EXOC6B: variants seen among roughly 807,000 people sequenced by gnomAD.
The protein encoded by EXOC6B is SEC15 homolog B.
In EXOC6B, 54 loss-of-function variants were observed where a neutral mutation model predicts 113.5. The ratio of observed to expected loss-of-function variants is 0.48; its 90% CI spans 0.38 to 0.60. EXOC6B has a LOEUF of 0.60. EXOC6B is among the 20% of genes least tolerant of loss of function. The probability of loss-of-function intolerance (pLI) is 0.00; values close to 1 mark genes in which losing one functional copy is unlikely to be tolerated. For missense variants in EXOC6B, 797 were observed against 977.5 expected, an observed-to-expected ratio of 0.82 and a Z score of 2.46; for synonymous variants, 357 against 339.0, an observed-to-expected ratio of 1.05 and a Z score of -0.58.
chr2:72,699,576 A>C (rs1197703264), intron 6 of EXOC6B, among the ~76,000 whole-genome samples: 1 of 152,094 alleles, frequency 6.6e-6, no homozygotes, highest in Non-Finnish European at 1.5e-5. Flanking sequence ...TGTTTAGTAG[A>C]CTAAGAAAAG....
At chr2:72,663,413 G>A (rs145122896) in intron 6 of EXOC6B, among the ~76,000 whole-genome samples, 3 of 152,240 alleles carry the variant, frequency 2.0e-5, no homozygotes, top group African/African-American at 7.2e-5. Flanking sequence ...TTTAGAAATC[G>A]ATAAAAAATA....
At chr2:72,183,017 G>T in intron 21 of EXOC6B, 1 of 594,038 alleles carries the variant, frequency 1.7e-6, no homozygotes, top group Non-Finnish European at 2.5e-6. Flanking sequence ...TAGTCTCTTG[G>T]CTCCAAATAC....
intron 18 of EXOC6B, among the ~76,000 whole-genome samples, chr2:72,449,790 C>T (rs959970214): frequency 7.2e-5 from 11 of 152,142 alleles, no homozygotes; most frequent in African/African-American, 1.9e-4. Flanking sequence ...GGTTCCAGCA[C>T]ATACAGGCAG....
intron 19 of EXOC6B, among the ~76,000 whole-genome samples, chr2:72,362,871 C>T (rs1690406136): frequency 6.6e-6 from 1 of 152,112 alleles, no homozygotes; most frequent in African/African-American, 2.4e-5. Flanking sequence ...ACTGAATGAG[C>T]AGATTACTGA....
intron 20 of EXOC6B, among the ~76,000 whole-genome samples, chr2:72,309,455 T>TA (rs1687071003): frequency 6.6e-6 from 1 of 152,134 alleles, no homozygotes; most frequent in Non-Finnish European, 1.5e-5. Context: ...AAGAAGACAC[T>TA]AAATCATAAT....
chr2:72,386,566 T>C (rs1692042557), intron 18 of EXOC6B, among the ~76,000 whole-genome samples: 1 of 152,220 alleles, frequency 6.6e-6, no homozygotes. Context: ...GCATCCTAGC[T>C]GCTCCAACTC....
At chr2:72,252,647 CT>C (rs1362175182) in intron 20 of EXOC6B, among the ~76,000 whole-genome samples, 5 of 152,166 alleles carry the variant, frequency 3.3e-5, no homozygotes, top group African/African-American at 1.2e-4. Context: ...ATAATACCTG[CT>C]TTACAAGTTG....
intron 1 of EXOC6B, among the ~76,000 whole-genome samples, chr2:72,807,844 C>CAA (rs35368851): frequency 1.5e-5 from 2 of 135,896 alleles, no homozygotes; most frequent in Admixed American, 1.4e-4. Context: ...TTAATGAGTA[C>CAA]AAAAAAAAAA....
At chr2:72,390,547 G>A (rs932529754) in intron 18 of EXOC6B, among the ~76,000 whole-genome samples, 1 of 152,128 alleles carries the variant, frequency 6.6e-6, no homozygotes, top group Non-Finnish European at 1.5e-5. Context: ...GGAGGGTTGG[G>A]CTTTGTTATT....
chr2:72,625,818 A>T (rs1297191810), intron 6 of EXOC6B, among the ~76,000 whole-genome samples: 1 of 152,192 alleles, frequency 6.6e-6, no homozygotes, highest in Admixed American at 6.5e-5. Context: ...TATGTTCAGG[A>T]ATATCCTCAC....
intron 21 of EXOC6B, chr2:72,182,873 C>A: frequency 8.1e-7 from 1 of 1,229,640 alleles, no homozygotes; most frequent in South Asian, 4.1e-5. Flanking sequence ...TGGAAAAGGC[C>A]CAAGTGAATA....
At chr2:72,337,175 G>T (rs1209072567) in intron 19 of EXOC6B, among the ~76,000 whole-genome samples, 4 of 151,952 alleles carry the variant, frequency 2.6e-5, no homozygotes, top group Non-Finnish European at 4.4e-5. Flanking sequence ...CCTATACTAT[G>T]CTCCTGTTAA....
At chr2:72,329,046 T>C (rs1688288826) in intron 20 of EXOC6B, among the ~76,000 whole-genome samples, 1 of 151,954 alleles carries the variant, frequency 6.6e-6, no homozygotes, top group Non-Finnish European at 1.5e-5. Flanking sequence ...GCTTGGAGAG[T>C]ATCTCTACTG....
intron 8 of EXOC6B, among the ~76,000 whole-genome samples, chr2:72,547,074 G>T (rs764766): frequency 0.2 from 30,766 of 152,222 alleles, 4,864 homozygotes; most frequent in African/African-American, 0.44. Context: ...TGTGCATTTT[G>T]CCTGGTGAAA....
intron 1 of EXOC6B, among the ~76,000 whole-genome samples, chr2:72,744,223 T>C (rs1477354696): frequency 2.0e-5 from 3 of 152,176 alleles, no homozygotes; most frequent in South Asian, 4.1e-4. Context: ...AATCACCTAA[T>C]GACACATTTT....
intron 18 of EXOC6B, among the ~76,000 whole-genome samples, chr2:72,409,310 A>G (rs570671101): frequency 1.4e-3 from 210 of 152,276 alleles, no homozygotes; most frequent in Middle Eastern, 6.8e-3. Flanking sequence ...TCAGTGTGGC[A>G]ATTCCTCAGT....
At chr2:72,377,423 A>T (rs892697681) in intron 19 of EXOC6B, among the ~76,000 whole-genome samples, 1 of 152,184 alleles carries the variant, frequency 6.6e-6, no homozygotes, top group African/African-American at 2.4e-5. Flanking sequence ...TTGTAGCATT[A>T]TCGCAATAGC....
intron 5 of EXOC6B, among the ~76,000 whole-genome samples, chr2:72,725,157 G>A (rs1289226788): frequency 6.6e-6 from 1 of 152,100 alleles, no homozygotes; most frequent in East Asian, 1.9e-4. Flanking sequence ...GAAAACAAAT[G>A]ATAAAGACAA....
chr2:72,356,597 G>A (rs546175721), intron 19 of EXOC6B, among the ~76,000 whole-genome samples: 40 of 152,156 alleles, frequency 2.6e-4, no homozygotes, highest in African/African-American at 8.7e-4. Flanking sequence ...AACAGTATAA[G>A]GCAGACTATA....
Sources: allele counts gnomAD v4.1 joint callset (sites outside exome capture counted in the v4.1 genomes callset), GRCh38; gene constraint gnomAD v4.1.1; transcripts MANE v1.5; gene names NCBI Gene and HGNC (gene_info 2026-07-23, HGNC 2026-07-21).